Variants in CBL observed in about 807,000 individuals in gnomAD.
CBL encodes Cbl proto-oncogene, also known as E3 ubiquitin-protein ligase CBL.
CBL carries 45 observed loss-of-function variants against 96.9 expected under a neutral mutation model. The observed-to-expected ratio is 0.46, with a 90% CI of 0.37 to 0.60. The LOEUF is 0.60. Among genes scored for constraint, CBL ranks in the 20% least tolerant of loss-of-function variants. CBL has a pLI of 0.00. For missense variants in CBL, 1,024 were observed against 1,143.5 expected, an observed-to-expected ratio of 0.90 and a Z score of 1.51; for synonymous variants, 420 against 426.8, an observed-to-expected ratio of 0.98 and a Z score of 0.20.
intron 1 of CBL, among the ~76,000 whole-genome samples, chr11:119,218,105 T>G (rs1285141654): frequency 1.3e-5 from 2 of 152,114 alleles, no homozygotes; most frequent in Non-Finnish European, 2.9e-5. Flanking sequence ...AAGAAACAGC[T>G]GATTCTTAGT....
At chr11:119,231,943 A>AAAAC (rs1555226616) in intron 1 of CBL, among the ~76,000 whole-genome samples, 5 of 151,806 alleles carry the variant, frequency 3.3e-5, no homozygotes, top group South Asian at 4.2e-4. Context: ...AAAAAAAAAA[A>AAAAC]AAACAACAAT....
At chr11:119,282,891 C>G (rs779782413) in intron 9 of CBL, among the ~76,000 whole-genome samples, 5 of 152,080 alleles carry the variant, frequency 3.3e-5, no homozygotes, top group Non-Finnish European at 4.4e-5. Flanking sequence ...TGAGTCCACC[C>G]TGGGCAACAT....
At chr11:119,284,860 T>G in intron 9 of CBL, 109 bp from the exon 10 acceptor site, 7 of 1,331,206 alleles carry the variant, frequency 5.3e-6, no homozygotes, top group Non-Finnish European at 6.5e-6. Context: ...GTCTGGCCCA[T>G]TTGTAGTTTA....
At chr11:119,231,389 AAG>A (rs1949500689) in intron 1 of CBL, among the ~76,000 whole-genome samples, 1 of 151,804 alleles carries the variant, frequency 6.6e-6, no homozygotes, top group East Asian at 1.9e-4. Flanking sequence ...CCTGGGCAAA[AAG>A]AGCAAAACTC....
At chr11:119,249,609 A>G (rs1046077250) in intron 2 of CBL, among the ~76,000 whole-genome samples, 1 of 151,680 alleles carries the variant, frequency 6.6e-6, no homozygotes. Context: ...AAATAACAAA[A>G]GGGAAAGGAA....
chr11:119,264,465 T>C (rs1042639653), intron 2 of CBL, among the ~76,000 whole-genome samples: 25 of 112,626 alleles, frequency 2.2e-4, no homozygotes, highest in Non-Finnish European at 3.5e-4. Context: ...CTCTTCTCTT[T>C]TCTTCTTTTC....
intron 2 of CBL, among the ~76,000 whole-genome samples, chr11:119,269,703 T>C (rs1178730108): frequency 6.6e-6 from 1 of 152,098 alleles, no homozygotes; most frequent in Non-Finnish European, 1.5e-5. Flanking sequence ...TGAAATTTTA[T>C]AGTACATTTA....
chr11:119,208,525 G>A (rs1949292185), intron 1 of CBL, among the ~76,000 whole-genome samples: 1 of 152,004 alleles, frequency 6.6e-6, no homozygotes. Context: ...GAGTAGCTGG[G>A]ATTACAGGTG....
intron 3 of CBL, among the ~76,000 whole-genome samples, chr11:119,272,476 A>G (rs1324834750): frequency 6.6e-6 from 1 of 152,224 alleles, no homozygotes; most frequent in Non-Finnish European, 1.5e-5. Flanking sequence ...AGCAGTGAGC[A>G]ATATCTAAGT....
intron 12 of CBL, among the ~76,000 whole-genome samples, chr11:119,292,709 T>C (rs377219985): frequency 2.0e-5 from 3 of 152,128 alleles, no homozygotes; most frequent in African/African-American, 7.2e-5. Context: ...CGTGAGCCAC[T>C]GCGCCCGGCC....
chr11:119,284,824 GA>G, intron 9 of CBL, 144 bp from the exon 10 acceptor site: 2 of 923,246 alleles, frequency 2.2e-6, no homozygotes, highest in Non-Finnish European at 3.5e-6. Context: ...AGTTTTTTAA[GA>G]GGGTGTGTGC....
chr11:119,283,625 C>CTTTCTTTTTTTTTTTT (rs1949955222), intron 9 of CBL, among the ~76,000 whole-genome samples: 3 of 45,526 alleles, frequency 6.6e-5, no homozygotes, highest in East Asian at 6.8e-4. Context: ...TTAATTCTTT[C>CTTTCTTTTTTTTTTTT]TTTTTTTTTT....
intron 2 of CBL, among the ~76,000 whole-genome samples, chr11:119,262,814 T>C (rs1416760718): frequency 6.6e-6 from 1 of 152,174 alleles, no homozygotes; most frequent in African/African-American, 2.4e-5. Context: ...ACGTTAAATA[T>C]AGACTGGAGA....
intron 2 of CBL, among the ~76,000 whole-genome samples, chr11:119,246,562 C>A: frequency 6.6e-6 from 1 of 152,200 alleles, no homozygotes; most frequent in East Asian, 1.9e-4. Context: ...AGCAATTCTC[C>A]TGCCTCAGCC....
chr11:119,228,816 T>C (rs553511572), intron 1 of CBL, among the ~76,000 whole-genome samples: 50 of 147,176 alleles, frequency 3.4e-4, no homozygotes, highest in Middle Eastern at 3.5e-3. Context: ...CTCTCTCTCT[T>C]TTTTTTTTTT....
At chr11:119,266,877 G>A (rs1409859120) in intron 2 of CBL, among the ~76,000 whole-genome samples, 1 of 152,190 alleles carries the variant, frequency 6.6e-6, no homozygotes, top group Non-Finnish European at 1.5e-5. Context: ...TCTGTCTTCA[G>A]GGTATTTACA....
intron 2 of CBL, among the ~76,000 whole-genome samples, chr11:119,267,877 A>T (rs1391606068): frequency 6.6e-6 from 1 of 152,246 alleles, no homozygotes; most frequent in African/African-American, 2.4e-5. Flanking sequence ...GGTTCAGATG[A>T]TGTAAGAGAA....
chr11:119,234,869 G>A (rs1318599761), intron 2 of CBL, among the ~76,000 whole-genome samples: 1 of 152,182 alleles, frequency 6.6e-6, no homozygotes, highest in Non-Finnish European at 1.5e-5. Context: ...AGAGTTTGAA[G>A]GATAAATAGG....
At position 119,285,472 on chromosome 11, in the gene CBL, A is replaced by G. The variant is rs376094293; in HGVS notation, c.1847A>G (p.Asn616Ser). The change falls in exon 11 of 16, where the codon AAC becomes AGC. Residue 616 changes from asparagine to serine, a missense_variant. By Grantham distance (46) the Asn-to-Ser change is conservative. Coordinates refer to ENST00000264033, the MANE Select transcript of CBL (RefSeq NM_005188.4). ...SDPWTGRELT[N>S]RHSLPFSLPS... ...CCCTGGACAGGAAGAGAATTAACCA[A>G]CCGGCACTCACTTCCATTTTCATTG... is the stretch of plus-strand genomic sequence containing the variant. 1.2e-5 allele frequency: 20 copies of G among 1,614,064 alleles called. No individual in the cohort carries two copies. Among genetic ancestry groups the G allele is most frequent in the Non-Finnish European group, 1.6e-5 (19 of 1,180,002 alleles).
Sources: gnomAD v4.1 joint callset for allele counts (sites outside exome capture counted in the v4.1 genomes callset) on GRCh38, gnomAD v4.1.1 for gene constraint, MANE v1.5 for transcripts, NCBI Gene and HGNC (gene_info 2026-07-23, HGNC 2026-07-21) for gene names.